The following DPYD variants were observed in gnomAD, a reference collection of about 807,000 sequenced individuals.
DPYD encodes the protein dihydropyrimidine dehydrogenase [NADP(+)].
DPYD carries 109 observed loss-of-function variants against 116.2 expected under a neutral mutation model. The observed-to-expected ratio is 0.94, with a 90% CI of 0.80 to 1.10. The LOEUF (loss-of-function observed/expected upper bound fraction) is 1.10, where lower values mean the gene tolerates loss of function less well. DPYD is among the 50% of genes least tolerant of loss of function. The probability of loss-of-function intolerance (pLI) is 0.00; values close to 1 mark genes in which losing one functional copy is unlikely to be tolerated. For synonymous variants in DPYD, 440 were observed against 432.0 expected, an observed-to-expected ratio of 1.02 and a Z score of -0.23; for missense variants, 1,302 against 1,254.5, an observed-to-expected ratio of 1.04 and a Z score of -0.57.
In DPYD at chr1:97,920,887, G is replaced by C. The variant is rs376273539; in HGVS notation, c.36C>G (p.Ile12Met). Residue 12 changes from isoleucine (I) to methionine (M), a missense_variant, in exon 1 of 23, where the codon ATC (isoleucine) becomes ATG (methionine). Physicochemically the swap from Ile to Met is conservative, Grantham distance 10. Transcript: ENST00000370192. ...APVLSKDSAD[I>M]ESILALNPRT... is the part of the protein sequence containing the mutation. ...CGAGCCGGCGCGAAGTCCGTACCTC[G>C]ATGTCCGCCGAGTCCTTACTGAGCA... 8 of 1,592,572 alleles carry C rather than the reference G, an allele frequency of 5.0e-6. No individual in the cohort carries two copies. Among genetic ancestry groups the C allele is most frequent in the Non-Finnish European group, 6.8e-6 (8 of 1,170,112 alleles).
intron 20 of DPYD, among the ~76,000 whole-genome samples, chr1:97,182,240 T>G (rs908689108): frequency 1.3e-5 from 2 of 152,036 alleles, no homozygotes; most frequent in Non-Finnish European, 2.9e-5. Context: ...ATAAAACAGG[T>G]GTCTGTCTTA....
At chr1:97,376,138 T>C (rs1271725465) in intron 15 of DPYD, among the ~76,000 whole-genome samples, 1 of 152,176 alleles carries the variant, frequency 6.6e-6, no homozygotes, top group Non-Finnish European at 1.5e-5. Context: ...AACTGAGACA[T>C]AAAGAGTTCA....
At chr1:97,350,587 T>C (rs922360470) in intron 16 of DPYD, among the ~76,000 whole-genome samples, 16 of 152,160 alleles carry the variant, frequency 1.1e-4, no homozygotes, top group Admixed American at 5.2e-4. Context: ...ATTGGAGCAG[T>C]TGTGTTTAAA....
chr1:97,202,843 C>T (rs1659304340), intron 19 of DPYD, among the ~76,000 whole-genome samples: 1 of 152,208 alleles, frequency 6.6e-6, no homozygotes, highest in South Asian at 2.1e-4. Context: ...GCACCTCTGT[C>T]TGCCTTTTAT....
intron 19 of DPYD, among the ~76,000 whole-genome samples, chr1:97,201,352 G>C (rs1282576584): frequency 6.6e-6 from 1 of 152,050 alleles, no homozygotes. Flanking sequence ...TTTTCTGAAG[G>C]CATGGAATCA....
intron 16 of DPYD, among the ~76,000 whole-genome samples, chr1:97,356,054 G>A (rs1670412023): frequency 6.6e-6 from 1 of 152,086 alleles, no homozygotes; most frequent in Non-Finnish European, 1.5e-5. Flanking sequence ...CCAACAGCGT[G>A]CCAGGGCTCC....
intron 13 of DPYD, among the ~76,000 whole-genome samples, chr1:97,488,516 G>A (rs540263045): frequency 6.6e-6 from 1 of 152,276 alleles, no homozygotes; most frequent in South Asian, 2.1e-4. Context: ...AGTTTAATCT[G>A]TACTTCATAA....
intron 20 of DPYD, among the ~76,000 whole-genome samples, chr1:97,139,780 C>T (rs1654077867): frequency 6.6e-6 from 1 of 152,144 alleles, no homozygotes; most frequent in African/African-American, 2.4e-5. Flanking sequence ...TCAGGCAGGA[C>T]TTGGTGAGAT....
chr1:97,507,730 G>A (rs927961720), intron 13 of DPYD, among the ~76,000 whole-genome samples: 3 of 151,926 alleles, frequency 2.0e-5, no homozygotes, highest in Admixed American at 2.0e-4. Flanking sequence ...TCATCTCGTT[G>A]ATAGGTGCTG....
At chr1:97,176,124 C>T (rs1235502608) in intron 20 of DPYD, among the ~76,000 whole-genome samples, 1 of 152,118 alleles carries the variant, frequency 6.6e-6, no homozygotes, top group Non-Finnish European at 1.5e-5. Context: ...TTCTTAGCAT[C>T]AACACTAGAA....
chr1:97,257,653 T>G (rs1436445334), intron 18 of DPYD, among the ~76,000 whole-genome samples: 1 of 151,876 alleles, frequency 6.6e-6, no homozygotes, highest in Non-Finnish European at 1.5e-5. Context: ...ACCATCAATT[T>G]GAAAAAATTC....
intron 20 of DPYD, among the ~76,000 whole-genome samples, chr1:97,114,126 G>A (rs545114156): frequency 2.6e-5 from 4 of 152,046 alleles, no homozygotes; most frequent in African/African-American, 9.7e-5. Flanking sequence ...TCATAGAAAA[G>A]CAAAGAATAA....
intron 8 of DPYD, among the ~76,000 whole-genome samples, chr1:97,648,243 T>C (rs553336121): frequency 6.6e-6 from 1 of 152,146 alleles, no homozygotes; most frequent in South Asian, 2.1e-4. Flanking sequence ...GCAGTCATCA[T>C]CTAGAACATC....
chr1:97,282,760 C>G (rs1338125547), intron 18 of DPYD, among the ~76,000 whole-genome samples: 1 of 152,116 alleles, frequency 6.6e-6, no homozygotes, highest in Non-Finnish European at 1.5e-5. Flanking sequence ...CTATTGCTCC[C>G]TTCTTTGTGT....
At chr1:97,327,195 G>C (rs2101141320) in intron 16 of DPYD, among the ~76,000 whole-genome samples, 1 of 152,054 alleles carries the variant, frequency 6.6e-6, no homozygotes, top group South Asian at 2.1e-4. Flanking sequence ...TCACCTATTA[G>C]CTTTACGGTG....
rs1418871941 is a variant in DPYD at position 97,833,737 on chromosome 1, G to T, written c.151-5541C>A. Among the ~76,000 whole-genome samples the T allele has an allele frequency of 3.3e-5, 5 of 152,174 alleles. No homozygotes were observed. The East Asian group carries it at 9.6e-4, about 29-fold the overall frequency. On this transcript the variant is annotated intron_variant, in intron 2 of 22. Transcript: ENST00000370192. ...GAATAAACAGAAGAAGAGTATCCAT[G>T]AACCCCAACTCAATCCTAATGGATC... is the stretch of plus-strand genomic sequence containing the variant.
rs570940396 is a variant in DPYD at position 97,318,685 on chromosome 1, C to T, written c.2059-12388G>A. Among the ~76,000 whole-genome samples, 707 of 150,674 alleles carry T rather than the reference C, an allele frequency of 4.7e-3. 10 individuals carry two copies. The highest frequency in any genetic ancestry group is 0.015 in the African/African-American group (628 of 41,030). Reference sequence around the variant, plus strand: ...TAGACAGATCAACGAGACAGAAAGTCAACAAGGATACCCAGGAATTGAACT... The same window carrying T: ...TAGACAGATCAACGAGACAGAAAGTTAACAAGGATACCCAGGAATTGAACT... On this transcript the variant is annotated intron_variant, in intron 16 of 22. Coordinates refer to ENST00000370192, the MANE Select transcript of DPYD (RefSeq NM_000110.4).
chr1:97,464,171 G>C (rs879826639), intron 13 of DPYD, among the ~76,000 whole-genome samples: 1 of 151,570 alleles, frequency 6.6e-6, no homozygotes, highest in South Asian at 2.1e-4. Flanking sequence ...CCTGGGAGGC[G>C]GAGGTTGCAG....
chr1:97,105,481 A>C (rs541075530), intron 20 of DPYD, among the ~76,000 whole-genome samples: 1 of 152,244 alleles, frequency 6.6e-6, no homozygotes, highest in African/African-American at 2.4e-5. Flanking sequence ...TTGGTGAGAC[A>C]TTTGGAGGAA....
Sources: allele counts gnomAD v4.1 joint callset (sites outside exome capture counted in the v4.1 genomes callset), GRCh38; gene constraint gnomAD v4.1.1; transcripts MANE v1.5; gene names NCBI Gene and HGNC (gene_info 2026-07-23, HGNC 2026-07-21).